Variants in PLXDC2 observed in about 807,000 individuals in gnomAD.
PLXDC2 encodes the protein plexin domain-containing protein 2.
PLXDC2 carries 40 observed loss-of-function variants against 68.9 expected under a neutral mutation model. The observed-to-expected ratio is 0.58, with a 90% CI of 0.45 to 0.76. The LOEUF is 0.76. Among genes scored for constraint, PLXDC2 ranks in the 30% least tolerant of loss-of-function variants. PLXDC2 has a pLI of 0.00. For missense variants in PLXDC2, 644 were observed against 661.9 expected, an observed-to-expected ratio of 0.97 and a Z score of 0.30; for synonymous variants, 243 against 234.2, an observed-to-expected ratio of 1.04 and a Z score of -0.34.
intron 4 of PLXDC2, among the ~76,000 whole-genome samples, chr10:20,072,935 C>G (rs912261329): frequency 6.6e-6 from 1 of 152,146 alleles, no homozygotes; most frequent in Non-Finnish European, 1.5e-5. Flanking sequence ...TCAGATAGTC[C>G]TATTTGACAG....
At chr10:20,069,770 G>T (rs898581898) in intron 4 of PLXDC2, among the ~76,000 whole-genome samples, 16 of 152,196 alleles carry the variant, frequency 1.1e-4, no homozygotes, top group South Asian at 4.1e-4. Context: ...GTTTGAGGCT[G>T]CAGTGAGCTA....
At chr10:20,108,819 A>G (rs1034706194) in intron 4 of PLXDC2, among the ~76,000 whole-genome samples, 1 of 152,204 alleles carries the variant, frequency 6.6e-6, no homozygotes, top group Non-Finnish European at 1.5e-5. Context: ...TATTCAATGA[A>G]TATCAAGTTT....
intron 1 of PLXDC2, among the ~76,000 whole-genome samples, chr10:19,860,668 C>T (rs930029857): frequency 2.6e-5 from 4 of 152,126 alleles, no homozygotes; most frequent in Admixed American, 6.5e-5. Context: ...CTACTATACC[C>T]AGGGCCCAGC....
In PLXDC2 at chr10:20,287,779, T is replaced by G. The variant is rs1836176243; in HGVS notation, c.*7960T>G. ...GATTGGTCAAAACAAATCTCTCATT[T>G]GCCTGATTTGAAGCATTTCAACAGT... is the stretch of plus-strand genomic sequence containing the variant. On this transcript the variant is annotated 3_prime_UTR_variant, in exon 14 of 14. Transcript: ENST00000377252. The G allele has an allele frequency of 6.6e-6, 1 of 152,132 alleles. No homozygotes were observed. The highest frequency in any genetic ancestry group is 1.5e-5 in the Non-Finnish European group (1 of 68,040). The allele number at this position is 152,132 out of a possible 1,614,324, so 9.4% of individuals were successfully genotyped here.
intron 1 of PLXDC2, among the ~76,000 whole-genome samples, chr10:19,927,505 T>TCCTGGCCAACATGGTGAAACC (rs1833556285): frequency 6.6e-6 from 1 of 151,588 alleles, no homozygotes; most frequent in Non-Finnish European, 1.5e-5. Context: ...ATGGAGACCA[T>TCCTGGCCAACATGGTGAAACC]CCTGGCCAAC....
chr10:20,125,188 T>G (rs982544637), intron 4 of PLXDC2, among the ~76,000 whole-genome samples: 9 of 151,930 alleles, frequency 5.9e-5, no homozygotes, highest in African/African-American at 2.2e-4. Flanking sequence ...CCACTGGCAC[T>G]TGAGAAGCAG....
chr10:20,152,878 A>G (rs1424363393), intron 6 of PLXDC2, among the ~76,000 whole-genome samples: 2 of 152,150 alleles, frequency 1.3e-5, no homozygotes, highest in Non-Finnish European at 2.9e-5. Flanking sequence ...GAGGATGTAG[A>G]TAATGTTTTC....
At chr10:19,987,631 G>C (rs748365546) in intron 1 of PLXDC2, among the ~76,000 whole-genome samples, 1 of 151,002 alleles carries the variant, frequency 6.6e-6, no homozygotes, top group Non-Finnish European at 1.5e-5. Flanking sequence ...GCGCGATCTC[G>C]GCTCACTGCA....
chr10:19,994,355 C>A (rs12358756), intron 1 of PLXDC2, among the ~76,000 whole-genome samples: 5,531 of 80,530 alleles, frequency 0.069, 172 homozygotes, highest in Admixed American at 0.13. Flanking sequence ...CAGCTTCTTG[C>A]TGTCACCCAG....
chr10:19,970,857 C>T (rs1834340290), intron 1 of PLXDC2, among the ~76,000 whole-genome samples: 1 of 152,078 alleles, frequency 6.6e-6, no homozygotes, highest in Non-Finnish European at 1.5e-5. Flanking sequence ...CACTGATGCC[C>T]CTGAGTAGTC....
rs192689074 is a variant in PLXDC2, at chr10:20,212,452, C to T, written c.1122+723C>T. On this transcript the variant is annotated intron_variant, in intron 10 of 13. Transcript: ENST00000377252. ...AACCCGTTTAAAAGCTTTGCAGTGA[C>T]TCGCATTTATACTATCATTTCAAGA... Among the ~76,000 whole-genome samples, 133 of 152,182 alleles carry T rather than the reference C, an allele frequency of 8.7e-4. 1 individual carries two copies. Among genetic ancestry groups the T allele is most frequent in the African/African-American group, 3.0e-3 (124 of 41,528 alleles).
At chr10:20,051,259 G>A (rs1049613278) in intron 3 of PLXDC2, among the ~76,000 whole-genome samples, 1 of 151,722 alleles carries the variant, frequency 6.6e-6, no homozygotes, top group African/African-American at 2.4e-5. Flanking sequence ...AGGAGGCAGA[G>A]GAGCAGAAAA....
At chr10:20,263,283 G>A (rs963018606) in intron 13 of PLXDC2, among the ~76,000 whole-genome samples, 10 of 152,162 alleles carry the variant, frequency 6.6e-5, no homozygotes, top group Admixed American at 6.5e-4. Flanking sequence ...AATAAATGGT[G>A]CTGGGAGAAC....
intron 9 of PLXDC2, among the ~76,000 whole-genome samples, chr10:20,195,757 T>G (rs1474150195): frequency 6.6e-6 from 1 of 152,216 alleles, no homozygotes; most frequent in African/African-American, 2.4e-5. Context: ...CAGTCCAAAT[T>G]TGCTATCTTG....
At chr10:19,976,440 C>G (rs573468904) in intron 1 of PLXDC2, among the ~76,000 whole-genome samples, 1 of 152,264 alleles carries the variant, frequency 6.6e-6, no homozygotes, top group South Asian at 2.1e-4. Flanking sequence ...GTCTTGAACT[C>G]CTGACCGCGT....
At chr10:19,918,217 A>G (rs11011673) in intron 1 of PLXDC2, among the ~76,000 whole-genome samples, 15,727 of 152,210 alleles carry the variant, frequency 0.1, 816 homozygotes, top group South Asian at 0.12. Flanking sequence ...CCACTGTTTG[A>G]GAGAGACCAA....
At chr10:19,920,410 C>T (rs892266436) in intron 1 of PLXDC2, among the ~76,000 whole-genome samples, 1 of 152,236 alleles carries the variant, frequency 6.6e-6, no homozygotes, top group Non-Finnish European at 1.5e-5. Flanking sequence ...CAGGCAGACA[C>T]AAAGATGGCT....
At chr10:20,059,686 A>C (rs888834854) in intron 3 of PLXDC2, among the ~76,000 whole-genome samples, 2 of 152,096 alleles carry the variant, frequency 1.3e-5, no homozygotes, top group Non-Finnish European at 2.9e-5. Flanking sequence ...GGACATTTTG[A>C]TCTTTTAATT....
intron 2 of PLXDC2, among the ~76,000 whole-genome samples, chr10:20,009,864 G>A (rs1296177055): frequency 6.6e-6 from 1 of 151,664 alleles, no homozygotes; most frequent in Non-Finnish European, 1.5e-5. Flanking sequence ...AATACAGAAA[G>A]GCAAGTTTGC....
Sources: allele counts gnomAD v4.1 joint callset (sites outside exome capture counted in the v4.1 genomes callset), GRCh38; gene constraint gnomAD v4.1.1; transcripts MANE v1.5; gene names NCBI Gene and HGNC (gene_info 2026-07-23, HGNC 2026-07-21).